The following CELF4 variants were observed in gnomAD, a reference collection of about 807,000 sequenced individuals.
CELF4 encodes CUGBP Elav-like family member 4, also known as CUG-BP- and ETR-3-like factor 4.
Under a neutral mutation model 59.9 loss-of-function variants are expected in CELF4, and 18 were observed. That is an observed-to-expected ratio of 0.30 (90% confidence interval 0.21 to 0.45). The LOEUF is 0.45. Among genes scored for constraint, CELF4 ranks in the 20% least tolerant of loss-of-function variants. The pLI is 1.00. For missense variants in CELF4, 456 were observed against 689.0 expected (o/e 0.66, Z 3.79); for synonymous variants, 261 against 267.1 (o/e 0.98, Z 0.22).
At chr18:37,258,073 T>C (rs1215899856) in intron 11 of CELF4, among the ~76,000 whole-genome samples, 1 of 152,224 alleles carries the variant, frequency 6.6e-6, no homozygotes, top group Non-Finnish European at 1.5e-5. Context: ...AATGTATCCT[T>C]TGTCTATCTG....
intron 1 of CELF4, among the ~76,000 whole-genome samples, chr18:37,505,736 A>AC (rs2154604060): frequency 6.6e-6 from 1 of 152,102 alleles, no homozygotes; most frequent in South Asian, 2.1e-4. Flanking sequence ...GAGTTCCTTA[A>AC]CCTCTCTAGC....
chr18:37,448,223 T>C (rs2099753516), intron 2 of CELF4, among the ~76,000 whole-genome samples: 2 of 152,214 alleles, frequency 1.3e-5, no homozygotes, highest in Non-Finnish European at 2.9e-5. Flanking sequence ...CACTGAGGCC[T>C]TGAGGCTTGT....
chr18:37,297,891 C>T (rs2095756922), intron 3 of CELF4, among the ~76,000 whole-genome samples: 1 of 148,828 alleles, frequency 6.7e-6, no homozygotes. Context: ...GACCCTGTGC[C>T]CTCTGGCCGT....
In CELF4 at chr18:37,342,233, G is replaced by GCACACACACA. The variant is rs56845978; in HGVS notation, c.370-20362_370-20353dup. 1.5e-3 allele frequency among the ~76,000 whole-genome samples: 220 copies of GCACACACACA among 146,148 alleles called. 1 individual carries two copies. Among genetic ancestry groups the GCACACACACA allele is most frequent in the African/African-American group, 4.3e-3 (169 of 39,536 alleles). ...AGATTGGGGAAAGATAACAGCACAT[G>GCACACACACA]CACACACACACACACACACACACAC... On this transcript the variant is annotated intron_variant, in intron 2 of 12. Coordinates refer to ENST00000420428, the MANE Select transcript of CELF4 (RefSeq NM_020180.4).
At chr18:37,521,467 G>T (rs1356379414) in intron 1 of CELF4, among the ~76,000 whole-genome samples, 2 of 152,026 alleles carry the variant, frequency 1.3e-5, no homozygotes, top group African/African-American at 4.8e-5. Flanking sequence ...TTGGCTGATT[G>T]ATATCTACAA....
chr18:37,361,985 T>C (rs8094096), intron 2 of CELF4, among the ~76,000 whole-genome samples: 122,149 of 151,974 alleles, frequency 0.8, 49,294 homozygotes, highest in East Asian at 0.92. Flanking sequence ...GCTGCTGGAG[T>C]GGGAAGCGGA....
At chr18:37,331,186 C>T (rs1033961759) in intron 2 of CELF4, among the ~76,000 whole-genome samples, 4 of 152,184 alleles carry the variant, frequency 2.6e-5, no homozygotes, top group Non-Finnish European at 4.4e-5. Flanking sequence ...CTTCCCCCAA[C>T]GCCCTGTCCC....
At chr18:37,436,891 A>G (rs2099694527) in intron 2 of CELF4, among the ~76,000 whole-genome samples, 1 of 152,300 alleles carries the variant, frequency 6.6e-6, no homozygotes, top group South Asian at 2.1e-4. Context: ...CCAAAAGTAC[A>G]CCAGATAATT....
At chr18:37,510,027 G>A (rs2099942464) in intron 1 of CELF4, among the ~76,000 whole-genome samples, 1 of 152,216 alleles carries the variant, frequency 6.6e-6, no homozygotes, top group African/African-American at 2.4e-5. Context: ...GGGTATAACT[G>A]CCTAATGCAC....
At chr18:37,364,285 T>A (rs2098747760) in intron 2 of CELF4, among the ~76,000 whole-genome samples, 1 of 152,174 alleles carries the variant, frequency 6.6e-6, no homozygotes, top group Non-Finnish European at 1.5e-5. Context: ...ATGTTCTTGG[T>A]TTTTGCTGTT....
At chr18:37,362,972 A>G (rs886828045) in intron 2 of CELF4, among the ~76,000 whole-genome samples, 4 of 152,154 alleles carry the variant, frequency 2.6e-5, no homozygotes, top group Admixed American at 1.3e-4. Context: ...GGCACACAGT[A>G]GGGTCTCTCT....
At chr18:37,561,219 T>C (rs559624853) in intron 1 of CELF4, among the ~76,000 whole-genome samples, 2 of 152,164 alleles carry the variant, frequency 1.3e-5, no homozygotes, top group East Asian at 1.9e-4. Context: ...TTTTCCTCCA[T>C]GTAGCTGAGA....
chr18:37,295,614 G>A (rs2095591906), intron 3 of CELF4, among the ~76,000 whole-genome samples: 1 of 152,158 alleles, frequency 6.6e-6, no homozygotes, highest in South Asian at 2.1e-4. Context: ...TAATATTATT[G>A]TTATTGCTAC....
At chr18:37,414,527 A>G in intron 2 of CELF4, among the ~76,000 whole-genome samples, 1 of 108,724 alleles carries the variant, frequency 9.2e-6, no homozygotes, top group African/African-American at 3.5e-5. Context: ...TTTGAGACGG[A>G]GTCTTGCTCT....
At chr18:37,327,584 G>T (rs2097364095) in intron 2 of CELF4, among the ~76,000 whole-genome samples, 1 of 152,222 alleles carries the variant, frequency 6.6e-6, no homozygotes, top group Non-Finnish European at 1.5e-5. Flanking sequence ...TGGCCTGGAG[G>T]TTTGGGATGG....
intron 1 of CELF4, among the ~76,000 whole-genome samples, chr18:37,492,728 C>A (rs1351156806): frequency 3.9e-5 from 6 of 152,162 alleles, no homozygotes; most frequent in African/African-American, 1.4e-4. Context: ...TTACTCCAAG[C>A]TGAAGCCCTG....
intron 1 of CELF4, among the ~76,000 whole-genome samples, chr18:37,564,966 G>C (rs2099987723): frequency 6.6e-6 from 1 of 152,138 alleles, no homozygotes; most frequent in East Asian, 1.9e-4. Context: ...AGCACCCTCG[G>C]TCCTCGGCCG....
rs184757280 is a variant in CELF4, at chr18:37,265,021, A to G, written c.1166-264T>C. 7.9e-4 allele frequency among the ~76,000 whole-genome samples: 117 copies of G among 147,200 alleles called. 2 individuals are homozygous for G. In the East Asian group the frequency reaches 0.023, roughly 28 times the overall value. Reference sequence around the variant, plus strand: ...TGCATACATGCATGTACGTGTGGGGATGTGTGTGTACGTGTGTGTGTACAT... The same window carrying G: ...TGCATACATGCATGTACGTGTGGGGGTGTGTGTGTACGTGTGTGTGTACAT... On this transcript the variant is annotated intron_variant, in intron 9 of 12. Transcript: ENST00000420428.
chr18:37,390,949 C>G (rs955810745), intron 2 of CELF4, among the ~76,000 whole-genome samples: 1 of 152,144 alleles, frequency 6.6e-6, no homozygotes, highest in Admixed American at 6.5e-5. Flanking sequence ...GGGGCAGCCG[C>G]TGCAGGGAGC....
Sources: gnomAD v4.1 joint callset for allele counts (sites outside exome capture counted in the v4.1 genomes callset) on GRCh38, gnomAD v4.1.1 for gene constraint, MANE v1.5 for transcripts, NCBI Gene and HGNC (gene_info 2026-07-23, HGNC 2026-07-21) for gene names.